The following PTPRD variants were observed in gnomAD, a reference collection of about 807,000 sequenced individuals.
The protein encoded by PTPRD is receptor-type tyrosine-protein phosphatase delta.
In PTPRD, 34 loss-of-function variants were observed where a neutral mutation model predicts 214.5. The observed-to-expected ratio is 0.16, with a 90% confidence interval of 0.12 to 0.21. PTPRD has a LOEUF of 0.21. PTPRD is among the 10% of genes least tolerant of loss of function. The pLI is 1.00. For missense variants in PTPRD, 2,545 were observed against 2,398.7 expected (o/e 1.06, Z -1.27); for synonymous variants, 1,128 against 845.7 (o/e 1.33, Z -5.79).
chr9:10,031,642 A>G (rs1318167326), intron 4 of PTPRD, among the ~76,000 whole-genome samples: 2 of 121,956 alleles, frequency 1.6e-5, no homozygotes, highest in Non-Finnish European at 3.1e-5. Flanking sequence ...ATATATATAT[A>G]TATATACACA....
chr9:10,173,772 G>A (rs901629525), intron 3 of PTPRD, among the ~76,000 whole-genome samples: 1 of 151,614 alleles, frequency 6.6e-6, no homozygotes, highest in African/African-American at 2.4e-5. Flanking sequence ...CTTTGTGTCT[G>A]ATGCTCTCAC....
At chr9:9,260,310 T>TA (rs1424471462) in intron 9 of PTPRD, among the ~76,000 whole-genome samples, 3 of 151,784 alleles carry the variant, frequency 2.0e-5, no homozygotes, top group Non-Finnish European at 2.9e-5. Context: ...TGATCTTGAC[T>TA]CCAAAGACTA....
chr9:10,152,145 G>T (rs566819153), intron 3 of PTPRD, among the ~76,000 whole-genome samples: 4 of 152,130 alleles, frequency 2.6e-5, no homozygotes, highest in Admixed American at 2.6e-4. Context: ...ACTATTTTTT[G>T]CATTCCCACA....
At chr9:9,578,920 C>T (rs1187884729) in intron 7 of PTPRD, among the ~76,000 whole-genome samples, 1 of 151,994 alleles carries the variant, frequency 6.6e-6, no homozygotes, top group African/African-American at 2.4e-5. Flanking sequence ...TATGTAAGAT[C>T]CTGGTCTCAG....
chr9:9,864,110 G>A (rs2063401942), intron 5 of PTPRD, among the ~76,000 whole-genome samples: 1 of 152,130 alleles, frequency 6.6e-6, no homozygotes, highest in South Asian at 2.1e-4. Flanking sequence ...TTTGAGACCA[G>A]CCTGGCCAAC....
At chr9:9,652,676 A>G (rs2096395044) in intron 7 of PTPRD, among the ~76,000 whole-genome samples, 1 of 150,752 alleles carries the variant, frequency 6.6e-6, no homozygotes, top group Non-Finnish European at 1.5e-5. Flanking sequence ...GTGCAATGGC[A>G]CGATCTCGGC....
chr9:10,383,032 G>A (rs183478991), intron 2 of PTPRD, among the ~76,000 whole-genome samples: 1 of 151,840 alleles, frequency 6.6e-6, no homozygotes, highest in East Asian at 2.0e-4. Context: ...GTATTCATGG[G>A]CTAGTGATGC....
rs553697581 is a variant in PTPRD, at chr9:9,361,361, T to C, written c.-203+36088A>G. Reference sequence around the variant, plus strand: ...AATATTCAATAATTCCTTATCATAATATTTAAAGCTGCTTTGAATTTATTT... The same window carrying C: ...AATATTCAATAATTCCTTATCATAACATTTAAAGCTGCTTTGAATTTATTT... On this transcript the variant is annotated intron_variant, in intron 9 of 45. Transcript: ENST00000381196. Among the ~76,000 whole-genome samples the C allele has an allele frequency of 2.0e-5, 3 of 151,306 alleles. No individual in the cohort carries two copies. In the South Asian group the frequency reaches 6.2e-4, roughly 31 times the overall value.
chr9:8,331,086 TTCTG>T (rs1219746507), intron 44 of PTPRD, among the ~76,000 whole-genome samples: 5 of 142,752 alleles, frequency 3.5e-5, no homozygotes, highest in African/African-American at 1.5e-4. Context: ...GTGCTTCATT[TTCTG>T]ATATAGCAAC....
intron 3 of PTPRD, among the ~76,000 whole-genome samples, chr9:10,045,057 G>A (rs956670534): frequency 6.6e-6 from 1 of 151,522 alleles, no homozygotes; most frequent in Non-Finnish European, 1.5e-5. Flanking sequence ...TATGTATTTT[G>A]GGAAAGAACA....
At chr9:9,116,122 G>A (rs367782533) in intron 10 of PTPRD, among the ~76,000 whole-genome samples, 99 of 152,004 alleles carry the variant, frequency 6.5e-4, no homozygotes, top group South Asian at 1.2e-3. Flanking sequence ...TCACTACCTG[G>A]GTAACGGGAT....
At chr9:8,509,066 A>T (rs138593850) in intron 21 of PTPRD, among the ~76,000 whole-genome samples, 23 of 152,140 alleles carry the variant, frequency 1.5e-4, no homozygotes, top group African/African-American at 5.1e-4. Context: ...TGCCTCTGGG[A>T]GCTTACCTTC....
At chr9:10,052,491 T>C (rs140963752) in intron 3 of PTPRD, among the ~76,000 whole-genome samples, 224 of 152,104 alleles carry the variant, frequency 1.5e-3, no homozygotes, top group African/African-American at 4.8e-3. Flanking sequence ...GGCCAAGCTA[T>C]GCAAAAAAGG....
intron 8 of PTPRD, among the ~76,000 whole-genome samples, chr9:9,525,754 C>T (rs1007743924): frequency 6.6e-6 from 1 of 151,240 alleles, no homozygotes; most frequent in Non-Finnish European, 1.5e-5. Flanking sequence ...AGTTTGAAAA[C>T]CTTTTATATA....
At chr9:9,609,959 A>G (rs2094430379) in intron 7 of PTPRD, among the ~76,000 whole-genome samples, 2 of 152,184 alleles carry the variant, frequency 1.3e-5, no homozygotes, top group African/African-American at 4.8e-5. Flanking sequence ...GAAGATGAAT[A>G]TCGGCGGCCC....
chr9:9,283,315 C>T (rs1045368529), intron 9 of PTPRD, among the ~76,000 whole-genome samples: 9 of 151,554 alleles, frequency 5.9e-5, no homozygotes, highest in African/African-American at 2.2e-4. Flanking sequence ...AGATAACCCA[C>T]ATTCAGAATT....
intron 39 of PTPRD, among the ~76,000 whole-genome samples, chr9:8,363,355 G>A (rs565528101): frequency 5.1e-4 from 78 of 152,196 alleles, no homozygotes; most frequent in African/African-American, 1.7e-3. Flanking sequence ...GAGCCTTACC[G>A]CAGTGAAGGG....
chr9:9,559,700 A>G (rs983988089), intron 8 of PTPRD, among the ~76,000 whole-genome samples: 2 of 152,184 alleles, frequency 1.3e-5, no homozygotes, highest in Non-Finnish European at 2.9e-5. Context: ...TTGCCCTCCC[A>G]TGAAGGTAAA....
At chr9:9,339,399 T>C (rs1228602852) in intron 9 of PTPRD, among the ~76,000 whole-genome samples, 1 of 151,762 alleles carries the variant, frequency 6.6e-6, no homozygotes, top group Non-Finnish European at 1.5e-5. Context: ...GGCAGGAGAA[T>C]GGTGTGAACC....
Sources: allele counts gnomAD v4.1 joint callset (sites outside exome capture counted in the v4.1 genomes callset), GRCh38; gene constraint gnomAD v4.1.1; transcripts MANE v1.5; gene names NCBI Gene and HGNC (gene_info 2026-07-23, HGNC 2026-07-21).